Variants in RAC1 observed in about 807,000 individuals in gnomAD.
RAC1 encodes the protein ras-related C3 botulinum toxin substrate 1.
RAC1 carries 2 observed loss-of-function variants against 25.2 expected under a neutral mutation model. The ratio of observed to expected loss-of-function variants is 0.08; its 90% CI spans 0.03 to 0.25. The LOEUF is 0.25. RAC1 is among the 10% of genes least tolerant of loss of function. The pLI is 1.00. For synonymous variants in RAC1, 88 were observed against 94.0 expected (o/e 0.94, Z 0.37); for missense variants, 50 against 235.7 (o/e 0.21, Z 5.16).
intron 1 of RAC1, among the ~76,000 whole-genome samples, chr7:6,377,054 A>T (rs928147980): frequency 1.3e-5 from 2 of 151,938 alleles, no homozygotes; most frequent in Non-Finnish European, 2.9e-5. Flanking sequence ...CAACAAGACT[A>T]AACAAGATGT....
chr7:6,392,291 G>A (rs975572987), intron 3 of RAC1, among the ~76,000 whole-genome samples: 1 of 152,124 alleles, frequency 6.6e-6, no homozygotes, highest in African/African-American at 2.4e-5. Flanking sequence ...TAGAATAACC[G>A]TATGAAAGAG....
chr7:6,383,912 C>T (rs187492247), intron 1 of RAC1, among the ~76,000 whole-genome samples: 3 of 147,660 alleles, frequency 2.0e-5, no homozygotes, highest in Non-Finnish European at 4.4e-5. Flanking sequence ...AAGCGACTCT[C>T]CTGCTTCAGC....
At chr7:6,376,175 G>GTTTTT (rs1562459509) in intron 1 of RAC1, among the ~76,000 whole-genome samples, 4 of 74,792 alleles carry the variant, frequency 5.3e-5, no homozygotes, top group Admixed American at 1.6e-4. Flanking sequence ...GGCTATTCAG[G>GTTTTT]CTTTTTTTTT....
chr7:6,378,564 A>G (rs1274880191), intron 1 of RAC1, among the ~76,000 whole-genome samples: 1 of 152,176 alleles, frequency 6.6e-6, no homozygotes, highest in Non-Finnish European at 1.5e-5. Flanking sequence ...AAAGAAAAAA[A>G]GTCAGAAATA....
intron 1 of RAC1, 28 bp from the exon 2 acceptor site, chr7:6,387,184 A>T (rs368759462): frequency 4.1e-5 from 60 of 1,454,036 alleles, no homozygotes; most frequent in Non-Finnish European, 5.1e-5. Context: ...CATGTTGACT[A>T]AGCAACCTTT....
At chr7:6,381,578 A>G (rs1394250954) in intron 1 of RAC1, among the ~76,000 whole-genome samples, 2 of 146,372 alleles carry the variant, frequency 1.4e-5, no homozygotes, top group African/African-American at 4.9e-5. Flanking sequence ...GTATTTTAGT[A>G]GAGACGGGGT....
rs1308858822 is a variant in RAC1, at chr7:6,401,912, C to G, written c.333C>G (p.Ile111Met). ...ACCACTGTCCCAACACTCCCATCAT[C>G]CTAGTGGGAACTAAACTTGATCTTA... The part of the protein sequence containing the change: ...VRHHCPNTPI[I>M]LVGTKLDLRD... The change falls in exon 5 of 6, where the codon ATC (isoleucine) becomes ATG (methionine). Residue 111 changes from isoleucine to methionine, a missense_variant. Ile to Met is a conservative substitution (Grantham distance 10, BLOSUM62 1). Coordinates refer to ENST00000348035, the MANE Select transcript of RAC1 (RefSeq NM_006908.5). 6.2e-7 allele frequency: 1 copy of G among 1,614,070 alleles called. No homozygotes were observed. Among genetic ancestry groups the G allele is most frequent in the Non-Finnish European group, 8.5e-7 (1 of 1,179,938 alleles).
chr7:6,401,580 C>G (rs1783401745), intron 4 of RAC1: 1 of 232,592 alleles, frequency 4.3e-6, no homozygotes, highest in African/African-American at 2.3e-5. Flanking sequence ...AACTCCCTTC[C>G]TTTTGTTTCT....
intron 3 of RAC1, among the ~76,000 whole-genome samples, chr7:6,394,497 G>C (rs1562467607): frequency 6.6e-6 from 1 of 151,974 alleles, no homozygotes; most frequent in South Asian, 2.1e-4. Flanking sequence ...ACCAGCATTG[G>C]TGGTGTGAGT....
chr7:6,396,321 CTG>C (rs1562468521), intron 3 of RAC1, among the ~76,000 whole-genome samples: 1 of 152,076 alleles, frequency 6.6e-6, no homozygotes. Flanking sequence ...AGCACAGCCT[CTG>C]TATGTGAAGC....
chr7:6,399,833 C>T (rs1251283199), intron 3 of RAC1: 5 of 395,344 alleles, frequency 1.3e-5, no homozygotes, highest in South Asian at 5.3e-5. Flanking sequence ...GATAGTTAGG[C>T]GTAAAGGAAG....
At position 6,402,365 on chromosome 7, in the gene RAC1, G is replaced by A. The variant is rs2115218540; in HGVS notation, c.498G>A (p.Lys166=). 6.2e-7 allele frequency: 1 copy of A among 1,612,260 alleles called. No individual in the cohort carries two copies. Among genetic ancestry groups the A allele is most frequent in the Non-Finnish European group, 8.5e-7 (1 of 1,179,706 alleles). ...CGGCGCTCACACAGCGAGGCCTCAAGACAGTGTTTGACGAAGCGATCCGAG... is the reference window on the plus strand; with the variant it reads ...CGGCGCTCACACAGCGAGGCCTCAAAACAGTGTTTGACGAAGCGATCCGAG... ...ECSALTQRGL[K]TVFDEAIRAV... Residue 166 remains lysine (K), a synonymous_variant, in exon 6 of 6, where the codon AAG becomes AAA. Transcript: ENST00000348035.
At chr7:6,391,196 C>A (rs891396746) in intron 2 of RAC1, among the ~76,000 whole-genome samples, 1 of 152,014 alleles carries the variant, frequency 6.6e-6, no homozygotes, top group Non-Finnish European at 1.5e-5. Flanking sequence ...CCGTGCCCAG[C>A]CTCTGCTTTT....
chr7:6,388,425 A>C (rs193093694), intron 2 of RAC1, among the ~76,000 whole-genome samples: 1 of 143,332 alleles, frequency 7.0e-6, no homozygotes, highest in East Asian at 2.1e-4. Context: ...AGCTCACTGC[A>C]GCGTCTGCCT....
At chr7:6,379,831 C>T (rs981500275) in intron 1 of RAC1, among the ~76,000 whole-genome samples, 3 of 152,130 alleles carry the variant, frequency 2.0e-5, no homozygotes, top group Admixed American at 2.0e-4. Flanking sequence ...TCATGGCAAC[C>T]TCTGCCTCCT....
intron 2 of RAC1, among the ~76,000 whole-genome samples, chr7:6,388,376 C>G (rs1430172876): frequency 2.6e-5 from 3 of 115,672 alleles, no homozygotes; most frequent in South Asian, 3.2e-4. Context: ...GAGTTAGTCT[C>G]TCTCTCTTGC....
rs990877710 is a variant in RAC1, at chr7:6,402,647, G to T, written c.*201G>T. On this transcript the variant is annotated 3_prime_UTR_variant, in exon 6 of 6. Coordinates refer to ENST00000348035, the MANE Select transcript of RAC1 (RefSeq NM_006908.5). ...TTTTAAGGTTTTGTTTGTTCTAAAT[G>T]TAAGAGTTCAGACTCACATTCTATT... The T allele has an allele frequency of 2.1e-6, 1 of 479,126 alleles. No individual in the cohort carries two copies. The highest frequency in any genetic ancestry group is 3.4e-6 in the Non-Finnish European group (1 of 294,430). The allele number at this position is 479,126 out of a possible 1,614,324, so 29.7% of individuals were successfully genotyped here.
At chr7:6,385,533 T>G (rs1782901978) in intron 1 of RAC1, among the ~76,000 whole-genome samples, 1 of 152,240 alleles carries the variant, frequency 6.6e-6, no homozygotes, top group African/African-American at 2.4e-5. Flanking sequence ...TCTAAGCTTT[T>G]AACGAAATGT....
chr7:6,397,736 C>T (rs1420953387), intron 3 of RAC1, among the ~76,000 whole-genome samples: 1 of 152,144 alleles, frequency 6.6e-6, no homozygotes, highest in Non-Finnish European at 1.5e-5. Context: ...GCCTGTAATC[C>T]CAGCACGTTG....
Sources: gnomAD v4.1 joint callset for allele counts (sites outside exome capture counted in the v4.1 genomes callset) on GRCh38, gnomAD v4.1.1 for gene constraint, MANE v1.5 for transcripts, NCBI Gene and HGNC (gene_info 2026-07-23, HGNC 2026-07-21) for gene names.